The following GPLD1 variants were observed in gnomAD, a reference collection of about 807,000 sequenced individuals.
GPLD1 encodes the protein phosphatidylinositol-glycan-specific phospholipase D.
A neutral mutation model predicts 112.6 loss-of-function variants in GPLD1; 84 were observed. That is an observed-to-expected ratio of 0.75 (90% CI 0.63 to 0.89). The LOEUF (loss-of-function observed/expected upper bound fraction) is 0.89. Among genes scored for constraint, GPLD1 ranks in the 40% least tolerant of loss-of-function variants. The pLI, the probability that GPLD1 is intolerant of heterozygous loss-of-function variation, is 0.00. For missense variants in GPLD1, 1,044 were observed against 1,051.5 expected, an observed-to-expected ratio of 0.99 and a Z score of 0.10; for synonymous variants, 386 against 403.8, an observed-to-expected ratio of 0.96 and a Z score of 0.53.
intron 12 of GPLD1, among the ~76,000 whole-genome samples, chr6:24,459,245 T>G (rs1368340801): frequency 3.2e-5 from 4 of 125,786 alleles, no homozygotes; most frequent in Non-Finnish European, 6.4e-5. Flanking sequence ...CTTTTCTCCC[T>G]GCTATTTTTT....
chr6:24,444,675 AC>A (rs1449025063), intron 20 of GPLD1, among the ~76,000 whole-genome samples: 6 of 151,928 alleles, frequency 3.9e-5, no homozygotes, highest in African/African-American at 4.8e-5. Flanking sequence ...ACATGTTGAG[AC>A]CCTCTCGCTA....
At chr6:24,476,440 G>A (rs1473693189) in intron 3 of GPLD1, among the ~76,000 whole-genome samples, 162 bp from the exon 4 acceptor site, 1 of 152,150 alleles carries the variant, frequency 6.6e-6, no homozygotes, top group Non-Finnish European at 1.5e-5. Flanking sequence ...TAAAACGGAA[G>A]AGCCAGCTGA....
At position 24,495,105 on chromosome 6, in the gene GPLD1, C is replaced by T; in HGVS notation, n.101G>A. 1.5e-6 allele frequency: 2 copies of T among 1,316,782 alleles called. No individual in the cohort carries two copies. Among genetic ancestry groups the T allele is most frequent in the Non-Finnish European group, 9.6e-7 (1 of 1,040,884 alleles). The allele number at this position is 1,316,782 out of a possible 1,614,324, so 81.6% of individuals were successfully genotyped here. On this transcript the variant is annotated non_coding_transcript_exon_variant, in exon 1 of 11. Transcript: ENST00000474784. ...CGGCGGCCTGGTCCCTGCCTCCGGG[C>T]CTGCGCCCGGCCCGGCCCAGCTCCG...
At chr6:24,477,840 T>C (rs1342081029) in intron 3 of GPLD1, among the ~76,000 whole-genome samples, 2 of 152,098 alleles carry the variant, frequency 1.3e-5, no homozygotes, top group African/African-American at 4.8e-5. Flanking sequence ...CATCACCAAA[T>C]AAGAAAAGGA....
Position 24,446,921 on chromosome 6 carries a change from C to A in GPLD1, c.1737G>T (p.Trp579Cys). 1 of 1,613,970 alleles carries A rather than the reference C, an allele frequency of 6.2e-7. No individual in the cohort carries two copies. The highest frequency in any genetic ancestry group is 8.5e-7 in the Non-Finnish European group (1 of 1,179,924). The part of the protein sequence containing the change: ...WTVRGEEDFS[W>C]FGYSLHGVTV... Reference sequence around the variant, plus strand: ...TGACACCGTGAAGGGAATATCCAAACCAGGAGAAGTCTTCCTCGCCTCTCA... The same window carrying A: ...TGACACCGTGAAGGGAATATCCAAAACAGGAGAAGTCTTCCTCGCCTCTCA... The change falls in exon 18 of 25, where the codon TGG becomes TGT. Residue 579 changes from tryptophan (W) to cysteine (C), a missense_variant. Trp to Cys is a radical substitution (Grantham distance 215). Transcript: ENST00000230036.
rs776791710 is a variant in GPLD1, at chr6:24,495,179, C to G, written n.27G>C. 9.1e-5 allele frequency: 137 copies of G among 1,500,026 alleles called. No individual in the cohort carries two copies. The African/African-American group carries it at 1.6e-3, about 18-fold the overall frequency. 92.9% of individuals were successfully genotyped at this position (1,500,026 alleles called of 1,614,324 possible). On this transcript the variant is annotated non_coding_transcript_exon_variant, in exon 1 of 11. Transcript: ENST00000474784. ...GCCTCTCTGCGGCGCTGCTGCGCAC[C>G]GACAGCTTCGTGGGCGGCCGCTGGC...
At chr6:24,483,312 T>C (rs1038969913) in intron 2 of GPLD1, among the ~76,000 whole-genome samples, 1 of 150,972 alleles carries the variant, frequency 6.6e-6, no homozygotes, top group South Asian at 2.1e-4. Flanking sequence ...TTAAAATATA[T>C]ATATTTTAAG....
intron 24 of GPLD1, among the ~76,000 whole-genome samples, chr6:24,430,613 T>A (rs1252887817): frequency 6.7e-6 from 1 of 149,886 alleles, no homozygotes; most frequent in African/African-American, 2.5e-5. Context: ...CTTACTTAAG[T>A]AGACGCCGGA....
At chr6:24,484,688 G>A (rs1004122753) in intron 2 of GPLD1, among the ~76,000 whole-genome samples, 2 of 152,190 alleles carry the variant, frequency 1.3e-5, no homozygotes, top group Admixed American at 1.3e-4. Context: ...TGATGAATTA[G>A]GCAGATTCTC....
intron 1 of GPLD1, among the ~76,000 whole-genome samples, chr6:24,487,929 C>T (rs1342574063): frequency 1.3e-5 from 2 of 152,138 alleles, no homozygotes; most frequent in Admixed American, 6.5e-5. Context: ...GAACTGGACT[C>T]GGTGACTTCT....
intron 1 of GPLD1, among the ~76,000 whole-genome samples, chr6:24,487,221 T>C (rs942036334): frequency 1.3e-5 from 2 of 152,158 alleles, no homozygotes; most frequent in Non-Finnish European, 2.9e-5. Flanking sequence ...AATGAAGCCA[T>C]TTCTAATTAA....
intron 1 of GPLD1, chr6:24,494,955 G>GCGCC (rs774122907): frequency 7.8e-7 from 1 of 1,282,970 alleles, no homozygotes; most frequent in African/African-American, 1.5e-5. Flanking sequence ...CCGTGCGCGC[G>GCGCC]CGCCCGCTTG....
chr6:24,428,860 C>G lies in GPLD1; in HGVS notation c.*172G>C, dbSNP rs1039371767. 6.2e-6 allele frequency: 3 copies of G among 486,396 alleles called. No individual in the cohort carries two copies. Among genetic ancestry groups the G allele is most frequent in the African/African-American group, 3.9e-5 (2 of 51,042 alleles). 30.1% of individuals were successfully genotyped at this position (486,396 alleles called of 1,614,324 possible). On this transcript the variant is annotated 3_prime_UTR_variant, in exon 25 of 25. Transcript: ENST00000230036. ...TGGTGCAGTCATATATTTACTGTATCAGATTTCCAGAGGGTGTGGCTGTTA... is the reference window on the plus strand; with the variant it reads ...TGGTGCAGTCATATATTTACTGTATGAGATTTCCAGAGGGTGTGGCTGTTA...
At chr6:24,491,436 C>T (rs978126867), upstream of GPLD1, among the ~76,000 whole-genome samples, 1 of 152,158 alleles carries the variant, frequency 6.6e-6, no homozygotes, top group East Asian at 1.9e-4. Flanking sequence ...TGGTGGCTCA[C>T]GCCTATAATC....
chr6:24,461,834 G>A (rs1219601800), intron 11 of GPLD1, among the ~76,000 whole-genome samples: 1 of 151,926 alleles, frequency 6.6e-6, no homozygotes, highest in Non-Finnish European at 1.5e-5. Context: ...ACCAGTTCCT[G>A]GCACGTACTG....
chr6:24,460,567 A>C (rs1283920725), intron 11 of GPLD1, among the ~76,000 whole-genome samples, 168 bp from the exon 12 acceptor site: 1 of 152,212 alleles, frequency 6.6e-6, no homozygotes, highest in Non-Finnish European at 1.5e-5. Flanking sequence ...TTCATTTCAC[A>C]AAATCTTTTA....
At chr6:24,480,467 C>A (rs1764164272) in intron 2 of GPLD1, among the ~76,000 whole-genome samples, 1 of 151,820 alleles carries the variant, frequency 6.6e-6, no homozygotes, top group South Asian at 2.1e-4. Flanking sequence ...GGATTACAGG[C>A]ATGAGCCACC....
rs1015360970 is a variant in GPLD1, at chr6:24,485,386, A to G, written c.153+689T>C. Among the ~76,000 whole-genome samples, 8 of 152,222 alleles carry G rather than the reference A, an allele frequency of 5.3e-5. 1 individual carries two copies. Among genetic ancestry groups the G allele is most frequent in the Admixed American group, 4.6e-4 (7 of 15,288 alleles). ...GACCCCCATCTCTACAATAAAAACA[A>G]AAAGATGTGTTCTTCTCAGCAGCAC... On this transcript the variant is annotated intron_variant, in intron 2 of 24. Coordinates refer to ENST00000230036, the MANE Select transcript of GPLD1 (RefSeq NM_001503.4).
rs908030447 is a variant in GPLD1 at position 24,454,147 on chromosome 6, G to A, written c.1203C>T (p.Gly401=). 21 of 1,613,774 alleles carry A rather than the reference G, an allele frequency of 1.3e-5. No homozygotes were observed. The highest frequency in any genetic ancestry group is 3.3e-5 in the South Asian group (3 of 91,040). The part of the protein sequence containing the change: ...NQDGHGDLVV[G]APGYSRPGHI... Reference sequence around the variant, plus strand: ...GGCCGGGGCGGCTGTAGCCTGGTGCGCCCACCACGAGGTCACCGTGCCCAT... The same window carrying A: ...GGCCGGGGCGGCTGTAGCCTGGTGCACCCACCACGAGGTCACCGTGCCCAT... Residue 401 remains glycine, a synonymous_variant, in exon 14 of 25, where the codon GGC becomes GGT. Transcript: ENST00000230036.
Sources: allele counts gnomAD v4.1 joint callset (sites outside exome capture counted in the v4.1 genomes callset), GRCh38; gene constraint gnomAD v4.1.1; transcripts MANE v1.5; gene names NCBI Gene and HGNC (gene_info 2026-07-23, HGNC 2026-07-21).